Variants in ERICH1 observed in about 807,000 individuals in gnomAD.
ERICH1 encodes the protein glutamate rich 1, also known as glutamate-rich protein 1.
ERICH1 carries 56 observed loss-of-function variants against 39.6 expected under a neutral mutation model. That is an observed-to-expected ratio of 1.41 (90% CI 1.14 to 1.77). ERICH1 has a LOEUF of 1.77. Among genes scored for constraint, ERICH1 ranks in the 40% most tolerant of loss-of-function variants. The pLI is 0.00. For missense variants in ERICH1, 826 were observed against 575.4 expected, an observed-to-expected ratio of 1.44 and a Z score of -4.45; for synonymous variants, 313 against 223.6, an observed-to-expected ratio of 1.40 and a Z score of -3.57.
chr8:678,739 C>T (rs1330121631), intron 3 of ERICH1, among the ~76,000 whole-genome samples: 3 of 152,234 alleles, frequency 2.0e-5, no homozygotes, highest in South Asian at 2.1e-4. Flanking sequence ...ACCTGGGAGG[C>T]GGAGCTTGCA....
chr8:625,879 C>T (rs1584945535), intron 3 of ERICH1: 1 of 152,362 alleles, frequency 6.6e-6, no homozygotes, highest in East Asian at 1.9e-4. Context: ...TGATGTGATT[C>T]TTCCAAGGTT....
chr8:688,128 G>C (rs1364922754), intron 3 of ERICH1, among the ~76,000 whole-genome samples: 1 of 152,218 alleles, frequency 6.6e-6, no homozygotes, highest in African/African-American at 2.4e-5. Context: ...AGAGGAGGGA[G>C]GGTCTGCAAC....
At chr8:626,698 G>A (rs1307601644) in intron 3 of ERICH1, 1 of 173,330 alleles carries the variant, frequency 5.8e-6, no homozygotes, top group Non-Finnish European at 1.3e-5. Flanking sequence ...CCTAGAGGGT[G>A]TTCCAGCTGG....
intron 3 of ERICH1, among the ~76,000 whole-genome samples, chr8:680,533 C>G (rs1252200430): frequency 1.4e-5 from 2 of 145,890 alleles, no homozygotes; most frequent in Non-Finnish European, 3.0e-5. Flanking sequence ...CCCCGGTAAA[C>G]ACGGAAAGTC....
intron 5 of ERICH1, among the ~76,000 whole-genome samples, chr8:665,175 C>A (rs1801996340): frequency 6.7e-6 from 1 of 149,804 alleles, no homozygotes; most frequent in African/African-American, 2.5e-5. Flanking sequence ...ACACCACAAT[C>A]GCGATGCCAC....
At chr8:617,122 T>C (rs185936098) in intron 3 of ERICH1, among the ~76,000 whole-genome samples, 77 of 152,260 alleles carry the variant, frequency 5.1e-4, no homozygotes, top group Admixed American at 1.8e-3. Flanking sequence ...CCAGTTTAGC[T>C]GGCTAGGAAA....
At chr8:705,934 T>C (rs1418907330) in intron 2 of ERICH1, among the ~76,000 whole-genome samples, 1 of 152,184 alleles carries the variant, frequency 6.6e-6, no homozygotes, top group Non-Finnish European at 1.5e-5. Context: ...GTTTGGATGC[T>C]GAAAGGCTGG....
chr8:701,238 C>T (rs1275885928), intron 2 of ERICH1, among the ~76,000 whole-genome samples: 2 of 151,818 alleles, frequency 1.3e-5, no homozygotes, highest in South Asian at 4.2e-4. Context: ...GCCGTACCCA[C>T]GGGTCTACCC....
intron 3 of ERICH1, among the ~76,000 whole-genome samples, chr8:625,005 C>T (rs144222253): frequency 3.9e-5 from 6 of 152,104 alleles, no homozygotes; most frequent in South Asian, 2.1e-4. Flanking sequence ...GGATTACAGG[C>T]GTGAGCCACT....
intron 3 of ERICH1, among the ~76,000 whole-genome samples, chr8:616,783 G>GACA (rs375193870): frequency 0.79 from 87,899 of 110,744 alleles, 35,605 homozygotes; most frequent in East Asian, 0.99. Flanking sequence ...AGAGGGAGAG[G>GACA]GAGAGAGATG....
chr8:661,883 G>A (rs771630008), downstream of ERICH1, among the ~76,000 whole-genome samples: 1 of 152,232 alleles, frequency 6.6e-6, no homozygotes, highest in Non-Finnish European at 1.5e-5. Context: ...GAGTCTACAG[G>A]AATTCTGTGG....
intron 2 of ERICH1, among the ~76,000 whole-genome samples, chr8:710,032 G>T (rs1703946): frequency 6.6e-6 from 1 of 151,974 alleles, no homozygotes; most frequent in Non-Finnish European, 1.5e-5. Flanking sequence ...GTTAGGGATG[G>T]CCTGCTTCTT....
chr8:654,365 G>A lies in ERICH1; in HGVS notation c.976+14233C>T, dbSNP rs538681060. Among the ~76,000 whole-genome samples, 976 of 152,202 alleles carry A rather than the reference G, an allele frequency of 6.4e-3. 7 individuals are homozygous for A. Among genetic ancestry groups the A allele is most frequent in the African/African-American group, 0.022 (929 of 41,522 alleles). On this transcript the variant is annotated intron_variant, in intron 3 of 3. Transcript: ENST00000522706. ...GGCCAGGAAGCTCCTTCAGAGGCTT[G>A]GTAAGAGAAAACCTGGAGGGACTGG... is the stretch of plus-strand genomic sequence containing the variant.
At chr8:669,995 T>C (rs1297789302) in intron 4 of ERICH1, among the ~76,000 whole-genome samples, 1 of 152,142 alleles carries the variant, frequency 6.6e-6, no homozygotes, top group Non-Finnish European at 1.5e-5. Flanking sequence ...CTCTCTCCTC[T>C]CCACCTGGGC....
At position 674,067 on chromosome 8, in the gene ERICH1, A is replaced by T. The variant is rs769760477; in HGVS notation, c.305-20T>A. 6.6e-7 allele frequency: 1 copy of T among 1,517,486 alleles called. No homozygotes were observed. The highest frequency in any genetic ancestry group is 8.7e-7 in the Non-Finnish European group (1 of 1,147,428). The allele number at this position is 1,517,486 out of a possible 1,614,324, so 94.0% of individuals were successfully genotyped here. On this transcript the variant is annotated intron_variant, in intron 3 of 5. Coordinates refer to ENST00000262109, the MANE Select transcript of ERICH1 (RefSeq NM_207332.3). ...CCTGATCTGTTAAAAAAATTCAAAT[A>T]TAACAATTTTCAGTACAATGAAACC...
At chr8:637,170 G>A (rs1798505385) in intron 3 of ERICH1, among the ~76,000 whole-genome samples, 1 of 152,206 alleles carries the variant, frequency 6.6e-6, no homozygotes, top group African/African-American at 2.4e-5. Flanking sequence ...GGCTGTAGTT[G>A]TGTCAGCCCT....
In ERICH1 at chr8:695,976, C is replaced by T. The variant is rs1291784012; in HGVS notation, c.170-3364G>A. Among the ~76,000 whole-genome samples the T allele has an allele frequency of 7.1e-4, 30 of 42,228 alleles. 1 individual carries two copies. Among genetic ancestry groups the T allele is most frequent in the African/African-American group, 4.8e-3 (30 of 6,250 alleles). The allele number at this position is 42,228 out of a possible 152,430, so 27.7% of individuals were successfully genotyped here. ...CTGCACTCGCTCCTCTCACCCTCCA[C>T]TCCTCTCCTTCCTCCCCATCAGCCT... On this transcript the variant is annotated intron_variant, in intron 2 of 5. Transcript: ENST00000262109.
rs1256687825 is a variant in ERICH1 at position 708,695 on chromosome 8, T to G, written c.169+7166A>C. On this transcript the variant is annotated intron_variant, in intron 2 of 5. Transcript: ENST00000262109. ...CGGGATAATGAGTTTTTTTTTTTTT[T>G]TTTTTTTTTTTTTTTTGAGACAGGG... 3.6e-4 allele frequency among the ~76,000 whole-genome samples: 46 copies of G among 129,184 alleles called. 2 individuals are homozygous for G. The highest frequency in any genetic ancestry group is 3.9e-3 in the Middle Eastern group (1 of 254). 84.7% of individuals were successfully genotyped at this position (129,184 alleles called of 152,430 possible). A position where few individuals can be genotyped will look rare whatever the true frequency, so the allele number is the denominator to read the frequency against.
chr8:708,680 A>AGTTTTTTGTTTTTTT (rs1554526139), intron 2 of ERICH1, among the ~76,000 whole-genome samples: 1 of 55,134 alleles, frequency 1.8e-5, no homozygotes, highest in Non-Finnish European at 3.4e-5. Flanking sequence ...CGGGATAATG[A>AGTTTTTTGTTTTTTT]GTTTTTTTTT....
Sources: gnomAD v4.1 joint callset for allele counts (sites outside exome capture counted in the v4.1 genomes callset) on GRCh38, gnomAD v4.1.1 for gene constraint, MANE v1.5 for transcripts, NCBI Gene and HGNC (gene_info 2026-07-23, HGNC 2026-07-21) for gene names.